The following PTPRN2 variants were observed in gnomAD, a reference collection of about 807,000 sequenced individuals.
PTPRN2 encodes the protein receptor-type tyrosine-protein phosphatase N2.
PTPRN2 carries 74 observed loss-of-function variants against 118.8 expected under a neutral mutation model. The observed-to-expected ratio is 0.62, with a 90% confidence interval of 0.52 to 0.76. The LOEUF is 0.76. PTPRN2 is among the 30% of genes least tolerant of loss of function. The pLI is 0.00. For synonymous variants in PTPRN2, 641 were observed against 608.0 expected (o/e 1.05, Z -0.80); for missense variants, 1,481 against 1,394.4 (o/e 1.06, Z -0.99).
chr7:158,095,303 C>T (rs1814545165), intron 10 of PTPRN2, among the ~76,000 whole-genome samples: 1 of 151,176 alleles, frequency 6.6e-6, no homozygotes, highest in Non-Finnish European at 1.5e-5. Flanking sequence ...AAGTAAAATG[C>T]ATATTTTACC....
intron 2 of PTPRN2, among the ~76,000 whole-genome samples, chr7:158,489,456 T>A (rs1365679978): frequency 2.0e-5 from 3 of 152,080 alleles, no homozygotes; most frequent in Admixed American, 6.5e-5. Flanking sequence ...CAAAAAAATT[T>A]TTTAAAAAAG....
chr7:158,468,002 C>T lies in PTPRN2; in HGVS notation c.163+21733G>A, dbSNP rs112830288. On this transcript the variant is annotated intron_variant, in intron 2 of 22. Transcript: ENST00000389418. ...AGGATGCAACTGGAATTGTGGGGCT[C>T]AAGTGAAACAATGTGCATAAAATCT... is the stretch of plus-strand genomic sequence containing the variant. Among the ~76,000 whole-genome samples the T allele has an allele frequency of 2.0e-3, 303 of 152,218 alleles. 1 individual carries two copies. The highest frequency in any genetic ancestry group is 3.6e-3 in the Non-Finnish European group (242 of 68,020).
intron 2 of PTPRN2, among the ~76,000 whole-genome samples, chr7:158,367,575 T>C (rs1394675365): frequency 2.6e-5 from 4 of 152,196 alleles, no homozygotes; most frequent in African/African-American, 9.6e-5. Context: ...TAATTCACCA[T>C]GGGTTAGCTC....
chr7:158,144,844 C>A lies in PTPRN2; in HGVS notation c.911-6329G>T, dbSNP rs78816701. ...GTGTGTCGACCCACCCTGAACTTTG[C>A]AAAATGATGCTTATTCCCCTCTCAA... On this transcript the variant is annotated intron_variant, in intron 6 of 22. Transcript: ENST00000389418. Among the ~76,000 whole-genome samples, 345 of 152,304 alleles carry A rather than the reference C, an allele frequency of 2.3e-3. 10 individuals are homozygous for A. The East Asian group carries it at 0.052, about 23-fold the overall frequency.
chr7:158,041,446 T>C (rs1048588339), intron 11 of PTPRN2, among the ~76,000 whole-genome samples: 2 of 152,160 alleles, frequency 1.3e-5, no homozygotes, highest in Non-Finnish European at 2.9e-5. Flanking sequence ...GAGACCATCC[T>C]GGCCAACATG....
chr7:158,358,440 G>A (rs759907442), intron 2 of PTPRN2, among the ~76,000 whole-genome samples: 11 of 152,210 alleles, frequency 7.2e-5, no homozygotes, highest in Non-Finnish European at 1.2e-4. Flanking sequence ...TTCGGCCGAC[G>A]GAAATGGTTT....
At chr7:157,963,450 G>A (rs1464573282) in intron 11 of PTPRN2, among the ~76,000 whole-genome samples, 2 of 152,240 alleles carry the variant, frequency 1.3e-5, no homozygotes, top group Non-Finnish European at 2.9e-5. Flanking sequence ...TTCTTGTTAA[G>A]CACCATGTCT....
chr7:157,858,131 T>C (rs1252882156), intron 12 of PTPRN2, among the ~76,000 whole-genome samples: 9 of 70,354 alleles, frequency 1.3e-4, no homozygotes, highest in Non-Finnish European at 2.0e-4. Flanking sequence ...CCACCCACAC[T>C]CCTGCAGGGA....
At chr7:158,521,762 G>A (rs13309080) in intron 1 of PTPRN2, among the ~76,000 whole-genome samples, 1,875 of 21,538 alleles carry the variant, frequency 0.087, 38 homozygotes, top group East Asian at 0.14. Flanking sequence ...GTAGTGGCTC[G>A]GGAGGGAGGT....
chr7:157,590,745 C>T lies in PTPRN2; in HGVS notation c.2496+4493G>A, dbSNP rs1800940515. Among the ~76,000 whole-genome samples the T allele has an allele frequency of 6.6e-6, 1 of 152,080 alleles. No homozygotes were observed. The highest frequency in any genetic ancestry group is 1.5e-5 in the Non-Finnish European group (1 of 68,018). The stretch of plus-strand genomic sequence containing the variant: ...GCCCCATGCTCACCGAGGGGACTTC[C>T]CCTGAACCCGTCTTCCAGGCTCCCC... On this transcript the variant is annotated intron_variant, in intron 17 of 22. Transcript: ENST00000389418. This position sits in a 1 kb window ranked among gnomAD's most constrained non-coding sequence, Gnocchi z 4.0.
chr7:157,656,508 G>C lies in PTPRN2; in HGVS notation c.2045C>G (p.Pro682Arg). Reference protein sequence around the residue: ...QRMATRPPDRPEGPHTSRISS... With the variant: ...QRMATRPPDRREGPHTSRISS... ...GATGCGTGACGTGTGCGGGCCCTCA[G>C]GTCGGTCTGGTGGCCGCGTGGCCAT... The change falls in exon 14 of 23, where the codon CCT becomes CGT. Residue 682 changes from proline (P) to arginine (R), a missense_variant. Pro to Arg is a moderately radical substitution (Grantham distance 103). Coordinates refer to ENST00000389418, the MANE Select transcript of PTPRN2 (RefSeq NM_002847.5). The C allele has an allele frequency of 6.4e-7, 1 of 1,551,854 alleles. No homozygotes were observed. Among genetic ancestry groups the C allele is most frequent in the Non-Finnish European group, 8.7e-7 (1 of 1,153,632 alleles).
chr7:158,402,715 C>G lies in PTPRN2; in HGVS notation c.164-85783G>C, dbSNP rs75214765. Among the ~76,000 whole-genome samples, 692 of 152,322 alleles carry G rather than the reference C, an allele frequency of 4.5e-3. 5 individuals are homozygous for G. Among genetic ancestry groups the G allele is most frequent in the African/African-American group, 0.016 (666 of 41,582 alleles). ...GGTGTCTGCAGCTGTCGTGCCTGCT[C>G]TCCGGACCCTGCGCCCGCCCTAGAG... is the stretch of plus-strand genomic sequence containing the variant. On this transcript the variant is annotated intron_variant, in intron 2 of 22. Coordinates refer to ENST00000389418, the MANE Select transcript of PTPRN2 (RefSeq NM_002847.5).
chr7:157,549,483 G>A (rs1798488370), intron 21 of PTPRN2, among the ~76,000 whole-genome samples: 1 of 152,018 alleles, frequency 6.6e-6, no homozygotes, highest in Non-Finnish European at 1.5e-5. Context: ...GCTTTTAACT[G>A]TAGAGTTTTC....
chr7:157,650,945 G>A (rs1322684607), intron 14 of PTPRN2, among the ~76,000 whole-genome samples: 1 of 152,212 alleles, frequency 6.6e-6, no homozygotes, highest in Non-Finnish European at 1.5e-5. Context: ...GAGACACGAC[G>A]GGCCCAGGGA....
intron 2 of PTPRN2, among the ~76,000 whole-genome samples, chr7:158,364,297 C>T (rs892850502): frequency 1.4e-4 from 21 of 146,800 alleles, no homozygotes; most frequent in Admixed American, 1.3e-3. Flanking sequence ...CGCCATGCTT[C>T]CCACAGCAGG....
intron 3 of PTPRN2, among the ~76,000 whole-genome samples, chr7:158,289,927 G>C (rs1274844143): frequency 6.6e-6 from 1 of 152,218 alleles, no homozygotes; most frequent in Non-Finnish European, 1.5e-5. Flanking sequence ...TCCAATGCCT[G>C]GGTTAGCAGG....
At chr7:158,002,196 G>A (rs553729050) in intron 11 of PTPRN2, among the ~76,000 whole-genome samples, 309 of 152,340 alleles carry the variant, frequency 2.0e-3, no homozygotes, top group African/African-American at 7.1e-3. Flanking sequence ...AGCCCCCGCG[G>A]GAAACACGGC....
chr7:158,557,334 C>T (rs1827105062), intron 1 of PTPRN2, among the ~76,000 whole-genome samples: 1 of 149,970 alleles, frequency 6.7e-6, no homozygotes, highest in South Asian at 2.1e-4. Flanking sequence ...GCAGGCGGCT[C>T]CCGCGCAGGT....
intron 2 of PTPRN2, among the ~76,000 whole-genome samples, chr7:158,370,033 G>A (rs1030728103): frequency 7.2e-5 from 11 of 152,162 alleles, no homozygotes; most frequent in African/African-American, 1.4e-4. Context: ...GAAAGCCACC[G>A]TGAACAGGAG....
Sources: allele counts gnomAD v4.1 joint callset (sites outside exome capture counted in the v4.1 genomes callset), GRCh38; gene constraint gnomAD v4.1.1; non-coding constraint Gnocchi (gnomAD v3.1); transcripts MANE v1.5; gene names NCBI Gene and HGNC (gene_info 2026-07-23, HGNC 2026-07-21).